Variants in CYP4B1 observed in about 807,000 individuals in gnomAD.
The protein encoded by CYP4B1 is cytochrome P450 4B1.
In CYP4B1, 45 loss-of-function variants were observed where a neutral mutation model predicts 54.0. The observed-to-expected ratio is 0.83, with a 90% CI of 0.66 to 1.07. The LOEUF (loss-of-function observed/expected upper bound fraction) is 1.07. Among genes scored for constraint, CYP4B1 ranks in the 50% least tolerant of loss-of-function variants. The pLI, the probability that CYP4B1 is intolerant of heterozygous loss-of-function variation, is 0.00. For synonymous variants in CYP4B1, 248 were observed against 247.5 expected (o/e 1.00, Z -0.02); for missense variants, 656 against 655.4 (o/e 1.00, Z -0.01).
intron 8 of CYP4B1, among the ~76,000 whole-genome samples, chr1:46,815,914 A>C (rs3766200): frequency 0.39 from 58,704 of 151,946 alleles, 13,099 homozygotes; most frequent in African/African-American, 0.61. Flanking sequence ...TGGTCAGACA[A>C]CCTGCCTTTC....
rs1386238821 is a variant in CYP4B1, at chr1:46,799,118, T to C, written c.37T>C (p.Leu13=). 3.1e-6 allele frequency: 5 copies of C among 1,614,044 alleles called. No individual in the cohort carries two copies. Among genetic ancestry groups the C allele is most frequent in the Non-Finnish European group, 4.2e-6 (5 of 1,179,996 alleles). ...CTTCCTCTCCCTGAGCTTCTCCTCC[T>C]TGGGCCTGTGGGCTTCTGGGCTGAT... ...PSFLSLSFSS[L]GLWASGLILV... is the part of the protein sequence containing the mutation. Residue 13 remains leucine, a synonymous_variant, in exon 1 of 12, where the codon TTG becomes CTG. Transcript: ENST00000371923.
intron 1 of CYP4B1, among the ~76,000 whole-genome samples, chr1:46,807,448 G>A (rs1309772740): frequency 6.6e-6 from 1 of 152,198 alleles, no homozygotes; most frequent in Non-Finnish European, 1.5e-5. Flanking sequence ...GGGATGGAGA[G>A]AAGGGGAATG....
At chr1:46,809,190 AC>A (rs369195890) in intron 1 of CYP4B1, among the ~76,000 whole-genome samples, 26,624 of 151,358 alleles carry the variant, frequency 0.18, 2,349 homozygotes, top group East Asian at 0.19. Flanking sequence ...AAAAAACAAA[AC>A]AAAACAAAAC....
chr1:46,817,302 C>G (rs1422496995), intron 9 of CYP4B1, 121 bp downstream of exon 9: 1 of 1,210,552 alleles, frequency 8.3e-7, no homozygotes, highest in Non-Finnish European at 1.2e-6. Flanking sequence ...TTCAGAGAGC[C>G]CTGGGTCTAA....
intron 8 of CYP4B1, 181 bp downstream of exon 8, chr1:46,815,445 CT>C: frequency 2.1e-6 from 1 of 484,574 alleles, no homozygotes; most frequent in Non-Finnish European, 3.5e-6. Flanking sequence ...AGATGCACCC[CT>C]GAGCCCATTC....
chr1:46,803,472 A>C lies in CYP4B1; in HGVS notation c.180+4211A>C, dbSNP rs1015479382. ...TTACCCTTGGAGCTCTGTTAATTGG[A>C]GGCATCAACACAGCTGGACTAGAGC... On this transcript the variant is annotated intron_variant, in intron 1 of 11. Transcript: ENST00000371923. 1.6e-4 allele frequency among the ~76,000 whole-genome samples: 25 copies of C among 152,232 alleles called. 1 individual carries two copies. The highest frequency in any genetic ancestry group is 2.6e-4 in the Admixed American group (4 of 15,286).
intron 3 of CYP4B1, chr1:46,812,200 C>T (rs938993257): frequency 9.1e-6 from 5 of 548,482 alleles, no homozygotes; most frequent in Middle Eastern, 2.8e-4. Flanking sequence ...CTTTGTCTCA[C>T]ATCTGGCAAT....
chr1:46,803,989 G>A (rs1194165738), intron 1 of CYP4B1, among the ~76,000 whole-genome samples: 1 of 152,214 alleles, frequency 6.6e-6, no homozygotes, highest in Non-Finnish European at 1.5e-5. Context: ...GTCATGCAGA[G>A]AGTTCCGGGG....
At chr1:46,809,456 G>A (rs1024505271) in intron 1 of CYP4B1, among the ~76,000 whole-genome samples, 2 of 152,196 alleles carry the variant, frequency 1.3e-5, no homozygotes, top group East Asian at 1.9e-4. Context: ...AGAATTTTAC[G>A]GAGAGAAAAA....
chr1:46,800,222 T>G (rs1237857229), intron 1 of CYP4B1, among the ~76,000 whole-genome samples: 1 of 11,262 alleles, frequency 8.9e-5, no homozygotes, highest in South Asian at 6.4e-3. Flanking sequence ...TTTCTCTTTC[T>G]CTCTTTCTTT....
At chr1:46,813,429 C>T (rs1212652111) in intron 4 of CYP4B1, 53 bp from the exon 5 acceptor site, 1 of 1,612,368 alleles carries the variant, frequency 6.2e-7, no homozygotes, top group African/African-American at 1.3e-5. Context: ...GCATCCAGCC[C>T]AACTAACCCC....
At chr1:46,814,150 G>T (rs151329578) in intron 6 of CYP4B1, 59 bp from the exon 7 acceptor site, 2 of 1,610,966 alleles carry the variant, frequency 1.2e-6, no homozygotes, top group East Asian at 2.2e-5. Context: ...TAGGACCCCA[G>T]TTCCCCTTTG....
At chr1:46,818,088 T>C in intron 10 of CYP4B1, 43 bp from the exon 11 acceptor site, 1 of 1,613,400 alleles carries the variant, frequency 6.2e-7, no homozygotes, top group Non-Finnish European at 8.5e-7. Context: ...GGTCACCCTC[T>C]GCCAGAACCT....
chr1:46,815,516 A>G, intron 8 of CYP4B1: 1 of 355,118 alleles, frequency 2.8e-6, no homozygotes, highest in Non-Finnish European at 5.1e-6. Flanking sequence ...AGAGGCTGAT[A>G]TTTTGTGTGC....
At chr1:46,805,246 C>A (rs1198373328) in intron 1 of CYP4B1, among the ~76,000 whole-genome samples, 1 of 152,232 alleles carries the variant, frequency 6.6e-6, no homozygotes. Context: ...TTCCTGCATT[C>A]CTCCTCTCAT....
intron 1 of CYP4B1, among the ~76,000 whole-genome samples, chr1:46,801,487 A>G (rs959720376): frequency 2.0e-5 from 3 of 149,926 alleles, no homozygotes; most frequent in Non-Finnish European, 4.4e-5. Context: ...AACACAGTCT[A>G]GCTTTGGCTT....
intron 1 of CYP4B1, among the ~76,000 whole-genome samples, chr1:46,800,248 TCCTTCC>T (rs1240031052): frequency 1.5e-4 from 12 of 81,090 alleles, no homozygotes; most frequent in African/African-American, 4.4e-4. Flanking sequence ...TTTCCTTCCT[TCCTTCC>T]TTCCTTCCTT....
At position 46,810,953 on chromosome 1, in the gene CYP4B1, A is replaced by C; in HGVS notation, c.322+4A>C. On this transcript the variant is annotated splice_donor_region_variant and intron_variant, in intron 2 of 11. Transcript: ENST00000371923. The stretch of plus-strand genomic sequence containing the variant: ...AAAGCTGTGTACAGCCGTGGGGGTG[A>C]GGAGAGAGGATGGGGATCTCAGGAG... 1 of 1,613,830 alleles carries C rather than the reference A, an allele frequency of 6.2e-7. No individual in the cohort carries two copies. Among genetic ancestry groups the C allele is most frequent in the Non-Finnish European group, 8.5e-7 (1 of 1,179,936 alleles).
intron 1 of CYP4B1, among the ~76,000 whole-genome samples, chr1:46,800,253 C>G (rs1557484867): frequency 1.2e-5 from 1 of 80,376 alleles, no homozygotes; most frequent in Non-Finnish European, 2.6e-5. Flanking sequence ...TTCCTTCCTT[C>G]CTTCCTTCCT....
Sources: gnomAD v4.1 joint callset for allele counts (sites outside exome capture counted in the v4.1 genomes callset) on GRCh38, gnomAD v4.1.1 for gene constraint, MANE v1.5 for transcripts, NCBI Gene and HGNC (gene_info 2026-07-23, HGNC 2026-07-21) for gene names.